ZNF230: variants seen among roughly 807,000 people sequenced by gnomAD.
ZNF230 encodes the protein zinc finger protein FDZF2.
In ZNF230, 12 loss-of-function variants were observed where a neutral mutation model predicts 10.0. The ratio of observed to expected loss-of-function variants is 1.20; its 90% CI spans 0.77 to 1.95. ZNF230 has a LOEUF of 1.95. ZNF230 is among the 30% of genes most tolerant of loss of function. The probability of loss-of-function intolerance (pLI) is 0.00; values close to 1 mark genes in which losing one functional copy is unlikely to be tolerated. For synonymous variants in ZNF230, 174 were observed against 193.6 expected (o/e 0.90, Z 0.84); for missense variants, 532 against 565.8 (o/e 0.94, Z 0.61).
At chr19:44,004,216 A>G (rs1046868628) in intron 1 of ZNF230, 5 of 152,220 alleles carry the variant, frequency 3.3e-5, no homozygotes, top group African/African-American at 9.7e-5. Context: ...CATTGTGGAA[A>G]AGTCTGAAAT....
chr19:44,004,955 A>G (rs1976109875), intron 1 of ZNF230, among the ~76,000 whole-genome samples: 1 of 146,686 alleles, frequency 6.8e-6, no homozygotes, highest in African/African-American at 2.5e-5. Context: ...ATCTCTACTA[A>G]AAAAAAAAAT....
chr19:44,008,670 A>G, intron 2 of ZNF230, 120 bp from the exon 3 acceptor site: 1 of 1,278,372 alleles, frequency 7.8e-7, no homozygotes, highest in Non-Finnish European at 1.1e-6. Context: ...CAGGATACAG[A>G]CAGAATGAGT....
At position 44,010,679 on chromosome 19, in the gene ZNF230, C is replaced by T. The variant is rs965796536; in HGVS notation, c.640C>T (p.Arg214Cys). Residue 214 changes from arginine to cysteine, a missense_variant, in exon 5 of 5, where the codon CGT becomes TGT. Coordinates refer to ENST00000429154, the MANE Select transcript of ZNF230 (RefSeq NM_006300.4). The stretch of plus-strand genomic sequence containing the variant: ...CAGTCAGAGCTCATGTCTGCAAACT[C>T]GTGAGAGAGTCCACACTGGAGAGAA... Reference protein sequence around the residue: ...EFSQSSCLQTRERVHTGEKPF... With the variant: ...EFSQSSCLQTCERVHTGEKPF... 5.6e-6 allele frequency: 9 copies of T among 1,614,192 alleles called. No individual in the cohort carries two copies. The highest frequency in any genetic ancestry group is 1.7e-5 in the Admixed American group (1 of 60,030).
At chr19:44,008,725 A>T in intron 2 of ZNF230, 65 bp from the exon 3 acceptor site, 1 of 1,575,598 alleles carries the variant, frequency 6.3e-7, no homozygotes, top group South Asian at 1.2e-5. Context: ...CCGCCTGCTC[A>T]ATGCTGCTCC....
In ZNF230 at chr19:44,012,790, A is replaced by G. The variant is rs569680515; in HGVS notation, c.*1326A>G. The stretch of plus-strand genomic sequence containing the variant: ...AATCTACAAAAAATAATTCAGGGAC[A>G]CGAGTTAAAATGCAGAATACACTCA... On this transcript the variant is annotated 3_prime_UTR_variant, in exon 5 of 5. Coordinates refer to ENST00000429154, the MANE Select transcript of ZNF230 (RefSeq NM_006300.4). 1 of 209,492 alleles carries G rather than the reference A, an allele frequency of 4.8e-6. No homozygotes were observed. Among genetic ancestry groups the G allele is most frequent in the East Asian group, 1.6e-4 (1 of 6,218 alleles). 13.0% of individuals were successfully genotyped at this position (209,492 alleles called of 1,614,324 possible).
rs202087666 is a variant in ZNF230 at position 44,011,076 on chromosome 19, G to A, written c.1037G>A (p.Arg346Lys). Residue 346 changes from arginine (R) to lysine (K), a missense_variant, in exon 5 of 5, where the codon AGA becomes AAA. Arg to Lys is a conservative substitution (Grantham distance 26, BLOSUM62 2). Transcript: ENST00000429154. ...YNCKECGKSF[R>K]WSSYLLIHQR... ...TGTAAAGAATGTGGGAAGAGCTTCA[G>A]ATGGTCCTCATATCTTTTGATCCAT... The A allele has an allele frequency of 1.2e-6, 2 of 1,614,212 alleles. No homozygotes were observed. The highest frequency in any genetic ancestry group is 8.5e-7 in the Non-Finnish European group (1 of 1,180,030).
rs148556671 is a variant in ZNF230 at position 44,007,129 on chromosome 19, C to T, written c.15+36C>T. The T allele has an allele frequency of 8.8e-6, 14 of 1,593,062 alleles. No homozygotes were observed. In the African/African-American group the frequency reaches 1.3e-4, roughly 15 times the overall value. On this transcript the variant is annotated intron_variant, in intron 2 of 4. Coordinates refer to ENST00000429154, the MANE Select transcript of ZNF230 (RefSeq NM_006300.4). ...CTCACCTCTCTTGCTATTAAAATTCCATCTTATTGCTCATATTGTCATATA... is the reference window on the plus strand; with the variant it reads ...CTCACCTCTCTTGCTATTAAAATTCTATCTTATTGCTCATATTGTCATATA...
chr19:44,010,610 T>C lies in ZNF230; in HGVS notation c.571T>C (p.Leu191=), dbSNP rs766692957. ...SALRIHQRVH[L]REKLSKCDMR... ...TCTTCGTATTCACCAGAGAGTTCAC[T>C]TGAGAGAGAAACTCTCTAAGTGTGA... Residue 191 remains leucine, a synonymous_variant, in exon 5 of 5, where the codon TTG becomes CTG. Transcript: ENST00000429154. 2 of 1,614,238 alleles carry C rather than the reference T, an allele frequency of 1.2e-6. No homozygotes were observed. Among genetic ancestry groups the C allele is most frequent in the African/African-American group, 1.3e-5 (1 of 75,070 alleles).
chr19:44,007,197 TG>T, intron 2 of ZNF230, 104 bp downstream of exon 2: 1 of 1,108,156 alleles, frequency 9.0e-7, no homozygotes, highest in East Asian at 2.5e-5. Context: ...AATGGGCATT[TG>T]GGACCTGTTG....
rs34493848 is a variant in ZNF230 at position 44,011,874 on chromosome 19, A to G, written c.*410A>G. On this transcript the variant is annotated 3_prime_UTR_variant, in exon 5 of 5. Transcript: ENST00000429154. ...GCTTATATTGTTTAACATGTCCTCC[A>G]AAGCTCATCTATGTTGCCACAAATG... The G allele has an allele frequency of 9.4e-3, 1,742 of 185,360 alleles. 42 individuals are homozygous for G. Among genetic ancestry groups the G allele is most frequent in the African/African-American group, 0.04 (1,678 of 41,792 alleles). 11.5% of individuals were successfully genotyped at this position (185,360 alleles called of 1,614,324 possible).
chr19:44,010,746 G>C lies in ZNF230; in HGVS notation c.707G>C (p.Arg236Thr), dbSNP rs981240905. The C allele has an allele frequency of 3.7e-6, 6 of 1,614,102 alleles. No homozygotes were observed. The highest frequency in any genetic ancestry group is 5.1e-6 in the Non-Finnish European group (6 of 1,180,052). The change falls in exon 5 of 5, where the codon AGA (arginine) becomes ACA (threonine). Residue 236 changes from arginine to threonine, a missense_variant. Coordinates refer to ENST00000429154, the MANE Select transcript of ZNF230 (RefSeq NM_006300.4). ...CAATGTGGGAAAGGCTTCAGATGTA[G>C]AGCGATACTTCAAGTTCACTGCAAA... is the stretch of plus-strand genomic sequence containing the variant. The part of the protein sequence containing the change: ...CEQCGKGFRC[R>T]AILQVHCKLH...
intron 1 of ZNF230, among the ~76,000 whole-genome samples, chr19:44,005,748 G>T (rs1186715777): frequency 6.6e-6 from 1 of 152,118 alleles, no homozygotes; most frequent in African/African-American, 2.4e-5. Flanking sequence ...TAAAAGCCGG[G>T]TGTGGTGGCA....
At chr19:44,005,845 C>T (rs979417341) in intron 1 of ZNF230, among the ~76,000 whole-genome samples, 4 of 152,186 alleles carry the variant, frequency 2.6e-5, no homozygotes, top group South Asian at 2.1e-4. Context: ...GCTGAGATCG[C>T]GCCACTGCAC....
chr19:44,010,551 A>G lies in ZNF230; in HGVS notation c.512A>G (p.Asn171Ser), dbSNP rs1260623981. Residue 171 changes from asparagine (N) to serine (S), a missense_variant, in exon 5 of 5, where the codon AAT becomes AGT. By Grantham distance (46) the Asn-to-Ser change is conservative (BLOSUM62 1). Transcript: ENST00000429154. ...TCAGGAGAGAAGTCTCATACATGCA[A>G]TGAGTGTGGAAAAAGCTTCTGTTAC... is the stretch of plus-strand genomic sequence containing the variant. ...FHSGEKSHTC[N>S]ECGKSFCYIS... is the part of the protein sequence containing the mutation. 5.6e-6 allele frequency: 9 copies of G among 1,614,136 alleles called. No individual in the cohort carries two copies. In the African/African-American group the frequency reaches 9.3e-5, roughly 17 times the overall value.
rs1163233122 is a variant in ZNF230, at chr19:44,011,933, T to A, written c.*469T>A. Reference sequence around the variant, plus strand: ...TTGTTTTCTTTTTATGCCCAAAGAGTATTCTATTGTGTATATATGCCACCT... The same window carrying A: ...TTGTTTTCTTTTTATGCCCAAAGAGAATTCTATTGTGTATATATGCCACCT... On this transcript the variant is annotated 3_prime_UTR_variant, in exon 5 of 5. Transcript: ENST00000429154. The A allele has an allele frequency of 5.5e-6, 1 of 183,266 alleles. No individual in the cohort carries two copies. Among genetic ancestry groups the A allele is most frequent in the Middle Eastern group, 2.6e-3 (1 of 388 alleles). 11.4% of individuals were successfully genotyped at this position (183,266 alleles called of 1,614,324 possible).
chr19:44,011,255 A>C lies in ZNF230; in HGVS notation c.1216A>C (p.Ser406Arg). The C allele has an allele frequency of 6.2e-7, 1 of 1,614,144 alleles. No individual in the cohort carries two copies. The highest frequency in any genetic ancestry group is 8.5e-7 in the Non-Finnish European group (1 of 1,180,018). Residue 406 changes from serine to arginine, a missense_variant, in exon 5 of 5, where the codon AGT becomes CGT. By Grantham distance (110) the Ser-to-Arg change is moderately radical. Transcript: ENST00000429154. The part of the protein sequence containing the change: ...ECGKSFSRAS[S>R]ILNHKKLHCR... ...TGGGAAGAGCTTTAGCCGGGCTTCA[A>C]GTATTTTGAATCATAAGAAACTCCA... is the stretch of plus-strand genomic sequence containing the variant.
rs76261208 is a variant in ZNF230 at position 44,010,922 on chromosome 19, C to A, written c.883C>A (p.Leu295Ile). ...CGKSFCLRSS[L>I]NRHCMVHTAE... Reference sequence around the variant, plus strand: ...TAAGAGCTTCTGCCTTAGGTCAAGTCTTAATAGGCATTGCATGGTCCACAC... The same window carrying A: ...TAAGAGCTTCTGCCTTAGGTCAAGTATTAATAGGCATTGCATGGTCCACAC... Residue 295 changes from leucine to isoleucine, a missense_variant, in exon 5 of 5, where the codon CTT becomes ATT. Physicochemically the swap from Leu to Ile is conservative, Grantham distance 5. Coordinates refer to ENST00000429154, the MANE Select transcript of ZNF230 (RefSeq NM_006300.4). 23,279 of 1,614,158 alleles carry A rather than the reference C, an allele frequency of 0.014. 1,436 individuals carry two copies. The Admixed American group carries it at 0.17, about 12-fold the overall frequency.
chr19:44,004,496 C>T (rs1196168337), intron 1 of ZNF230: 1 of 152,150 alleles, frequency 6.6e-6, no homozygotes, highest in African/African-American at 2.4e-5. Flanking sequence ...CTTTGGGAGG[C>T]CAAGGCAGGT....
In ZNF230 at chr19:44,009,250, C is replaced by T. The variant is rs751494437; in HGVS notation, c.229+80C>T. 4 of 1,462,220 alleles carry T rather than the reference C, an allele frequency of 2.7e-6. No individual in the cohort carries two copies. The Admixed American group carries it at 7.2e-5, about 26-fold the overall frequency. 90.6% of individuals were successfully genotyped at this position (1,462,220 alleles called of 1,614,324 possible). On this transcript the variant is annotated intron_variant, in intron 4 of 4. Transcript: ENST00000429154. ...TACTTCTGACCATGCCCACTTATAT[C>T]ACCCTGATCTAAATTGCCCAATCTC...
Sources: gnomAD v4.1 joint callset for allele counts (sites outside exome capture counted in the v4.1 genomes callset) on GRCh38, gnomAD v4.1.1 for gene constraint, MANE v1.5 for transcripts, NCBI Gene and HGNC (gene_info 2026-07-23, HGNC 2026-07-21) for gene names.